The following TEF variants were observed in gnomAD, a reference collection of about 807,000 sequenced individuals.
TEF encodes TEF transcription factor, PAR bZIP family member, also known as thyrotroph embryonic factor.
Under a neutral mutation model 20.8 loss-of-function variants are expected in TEF, and 3 were observed. The ratio of observed to expected loss-of-function variants is 0.14; its 90% CI spans 0.07 to 0.37. The LOEUF (loss-of-function observed/expected upper bound fraction) is 0.37. Among genes scored for constraint, TEF ranks in the 10% least tolerant of loss-of-function variants. The probability of loss-of-function intolerance (pLI) is 1.00; values close to 1 mark genes in which losing one functional copy is unlikely to be tolerated. For missense variants in TEF, 296 were observed against 397.9 expected, an observed-to-expected ratio of 0.74 and a Z score of 2.18; for synonymous variants, 180 against 171.1, an observed-to-expected ratio of 1.05 and a Z score of -0.41.
chr22:41,378,343 C>CTT (rs58676366), upstream of TEF, among the ~76,000 whole-genome samples: 201 of 83,562 alleles, frequency 2.4e-3, no homozygotes, highest in African/African-American at 8.9e-3. Flanking sequence ...TAACTTTTGC[C>CTT]TTTTTTTTTT....
intron 1 of TEF, among the ~76,000 whole-genome samples, chr22:41,384,153 AAC>A (rs2037067658): frequency 6.6e-6 from 1 of 152,184 alleles, no homozygotes; most frequent in Non-Finnish European, 1.5e-5. Flanking sequence ...GTTTATTTCC[AAC>A]TTAATCATAT....
At chr22:41,376,443 G>A (rs538410368) in intron 1 of TEF, among the ~76,000 whole-genome samples, 1 of 152,346 alleles carries the variant, frequency 6.6e-6, no homozygotes, top group South Asian at 2.1e-4. Context: ...GGCCAGGCTG[G>A]TCTTGAACTG....
intron 1 of TEF, among the ~76,000 whole-genome samples, chr22:41,384,208 T>C (rs1231001646): frequency 1.3e-5 from 2 of 152,196 alleles, no homozygotes; most frequent in African/African-American, 2.4e-5. Context: ...TTCAAAATTG[T>C]CTCCCTCAAT....
intron 1 of TEF, among the ~76,000 whole-genome samples, chr22:41,368,627 C>A (rs2036846974): frequency 6.6e-6 from 1 of 152,174 alleles, no homozygotes; most frequent in Non-Finnish European, 1.5e-5. Flanking sequence ...GGAGGGTCAG[C>A]AGGTTCTAGC....
chr22:41,396,305 T>G lies in TEF; in HGVS notation c.*345T>G. 1 of 240,252 alleles carries G rather than the reference T, an allele frequency of 4.2e-6. No homozygotes were observed. Among genetic ancestry groups the G allele is most frequent in the East Asian group, 8.7e-5 (1 of 11,466 alleles). 14.9% of individuals were successfully genotyped at this position (240,252 alleles called of 1,614,324 possible). ...TCAGGGTCCCTGGACTCTCCCTCAG[T>G]CTCCAGCCTGGGCTGCCGAGGGCTA... On this transcript the variant is annotated 3_prime_UTR_variant, in exon 4 of 4. Coordinates refer to ENST00000266304, the MANE Select transcript of TEF (RefSeq NM_003216.4).
chr22:41,380,191 G>A (rs868527437), upstream of TEF, among the ~76,000 whole-genome samples: 2 of 151,972 alleles, frequency 1.3e-5, no homozygotes, highest in Non-Finnish European at 2.9e-5. Flanking sequence ...TCCCTCTGTC[G>A]CCCAGGCTTG....
upstream of TEF, among the ~76,000 whole-genome samples, chr22:41,379,375 T>C (rs1213433101): frequency 3.3e-5 from 5 of 150,504 alleles, no homozygotes; most frequent in Non-Finnish European, 5.9e-5. Context: ...TACGTGGTGG[T>C]GCACGCCTGC....
At chr22:41,376,474 C>T (rs914395964) in intron 1 of TEF, among the ~76,000 whole-genome samples, 2 of 152,208 alleles carry the variant, frequency 1.3e-5, no homozygotes, top group African/African-American at 2.4e-5. Flanking sequence ...GTGAGCCATC[C>T]GCCTCGGCCT....
chr22:41,382,871 G>A (rs1298118748), intron 1 of TEF: 2 of 470,860 alleles, frequency 4.2e-6, no homozygotes, highest in Non-Finnish European at 8.8e-6. Context: ...TGAGTCCACT[G>A]AGGCCCTTCG....
At chr22:41,377,218 A>G (rs1356173741), upstream of TEF, 1 of 152,192 alleles carries the variant, frequency 6.6e-6, no homozygotes, top group Non-Finnish European at 1.5e-5. Flanking sequence ...TCATCCTTGC[A>G]CAGGGGACAT....
At chr22:41,373,817 G>A (rs2036910128) in intron 1 of TEF, among the ~76,000 whole-genome samples, 1 of 148,204 alleles carries the variant, frequency 6.7e-6, no homozygotes, top group Admixed American at 7.0e-5. Context: ...AGGCTGGAGT[G>A]CAATGGTGTG....
At chr22:41,373,037 T>A (rs543900010) in intron 1 of TEF, among the ~76,000 whole-genome samples, 16 of 152,186 alleles carry the variant, frequency 1.1e-4, no homozygotes, top group Admixed American at 1.0e-3. Context: ...TTGACGGTCA[T>A]AAAGAGGAGT....
At chr22:41,376,393 T>C (rs1354168392) in intron 1 of TEF, among the ~76,000 whole-genome samples, 2 of 152,192 alleles carry the variant, frequency 1.3e-5, no homozygotes, top group African/African-American at 4.8e-5. Context: ...CCTGCCACCA[T>C]GCCCGGCTAG....
upstream of TEF, among the ~76,000 whole-genome samples, chr22:41,379,815 C>G (rs1381090051): frequency 2.0e-5 from 3 of 150,976 alleles, no homozygotes; most frequent in East Asian, 1.9e-4. Flanking sequence ...ATCGCTTGAA[C>G]CTGGGAGGCG....
At chr22:41,371,157 G>A (rs533375981) in intron 1 of TEF, among the ~76,000 whole-genome samples, 21 of 152,356 alleles carry the variant, frequency 1.4e-4, no homozygotes, top group African/African-American at 3.8e-4. Context: ...CTTCTGGAAA[G>A]ACACTGTGTC....
chr22:41,387,140 T>C (rs1601821447), intron 1 of TEF, among the ~76,000 whole-genome samples: 1 of 152,254 alleles, frequency 6.6e-6, no homozygotes, highest in East Asian at 1.9e-4. Context: ...AGGCCAGGCA[T>C]GGATGAGGAT....
intron 1 of TEF, among the ~76,000 whole-genome samples, chr22:41,383,309 G>A (rs150531494): frequency 2.0e-5 from 3 of 152,066 alleles, no homozygotes; most frequent in African/African-American, 7.3e-5. Context: ...CCTGCTTTGG[G>A]ACCTCATGTG....
chr22:41,381,674 G>C (rs2037025109), upstream of TEF, among the ~76,000 whole-genome samples: 1 of 152,060 alleles, frequency 6.6e-6, no homozygotes, highest in Admixed American at 6.5e-5. Context: ...CCACCACAAA[G>C]ACTCCAGCAG....
Position 41,382,022 on chromosome 22 carries a change from G to A in TEF, c.-23G>A. The A allele has an allele frequency of 8.1e-7, 1 of 1,230,282 alleles. No individual in the cohort carries two copies. Among genetic ancestry groups the A allele is most frequent in the Non-Finnish European group, 1.0e-6 (1 of 986,972 alleles). 76.2% of individuals were successfully genotyped at this position (1,230,282 alleles called of 1,614,324 possible). A position where few individuals can be genotyped will look rare whatever the true frequency, so the allele number is the denominator to read the frequency against. ...GGGGGGCGGGCGGGGGAGGCGAGGT[G>A]CGCGAGCCGAGTCCGGGGCACGATG... On this transcript the variant is annotated 5_prime_UTR_variant, in exon 1 of 4. Transcript: ENST00000266304.
Sources: allele counts gnomAD v4.1 joint callset (sites outside exome capture counted in the v4.1 genomes callset), GRCh38; gene constraint gnomAD v4.1.1; transcripts MANE v1.5; gene names NCBI Gene and HGNC (gene_info 2026-07-23, HGNC 2026-07-21).